LPP: variants seen among roughly 807,000 people sequenced by gnomAD.
LPP encodes the protein LIM domain containing preferred translocation partner in lipoma, also known as lipoma-preferred partner.
Under a neutral mutation model 60.4 loss-of-function variants are expected in LPP, and 38 were observed. The observed-to-expected ratio is 0.63, with a 90% CI of 0.49 to 0.83. LPP has a LOEUF of 0.83. Among genes scored for constraint, LPP ranks in the 40% least tolerant of loss-of-function variants. LPP has a pLI of 0.00. For missense variants in LPP, 902 were observed against 783.6 expected (o/e 1.15, Z -1.80); for synonymous variants, 328 against 290.8 (o/e 1.13, Z -1.30).
rs1258811515 is a variant in LPP, at chr3:188,690,661, G to A, written c.1114-17606G>A. On this transcript the variant is annotated intron_variant, in intron 7 of 11. Coordinates refer to ENST00000617246, the MANE Select transcript of LPP (RefSeq NM_001375462.1). Reference sequence around the variant, plus strand: ...ACCAAAATCCCTGTAGTCAGACCCTGGTAGAAGGAGAGAATAGTCAAAGTG... The same window carrying A: ...ACCAAAATCCCTGTAGTCAGACCCTAGTAGAAGGAGAGAATAGTCAAAGTG... Among the ~76,000 whole-genome samples, 4 of 152,098 alleles carry A rather than the reference G, an allele frequency of 2.6e-5. No homozygotes were observed. The East Asian group carries it at 7.7e-4, about 29-fold the overall frequency.
intron 7 of LPP, among the ~76,000 whole-genome samples, chr3:188,637,135 T>C (rs1848988179): frequency 6.6e-6 from 1 of 151,266 alleles, no homozygotes; most frequent in Non-Finnish European, 1.5e-5. Context: ...TCAGCAAACG[T>C]AAAAGAACAG....
Position 188,343,174 on chromosome 3 carries a change from C to T in LPP, c.-10+1455C>T, listed in dbSNP as rs562775378. ...GTATTTGTCCTTGCCTTGCCCTCCA[C>T]CCATCAACGGGCCCCGATGTGTGAT... is the stretch of plus-strand genomic sequence containing the variant. On this transcript the variant is annotated intron_variant, in intron 3 of 11. Transcript: ENST00000617246. Among the ~76,000 whole-genome samples the T allele has an allele frequency of 9.2e-5, 14 of 152,228 alleles. 1 individual carries two copies. The South Asian group carries it at 2.9e-3, about 32-fold the overall frequency.
intron 9 of LPP, among the ~76,000 whole-genome samples, chr3:188,822,290 A>C (rs1754201064): frequency 6.6e-6 from 1 of 152,144 alleles, no homozygotes; most frequent in African/African-American, 2.4e-5. Context: ...GATACAAAAA[A>C]AATTGAGCTA....
intron 7 of LPP, among the ~76,000 whole-genome samples, chr3:188,657,230 T>C (rs6444315): frequency 1.5e-5 from 2 of 136,552 alleles, no homozygotes; most frequent in South Asian, 4.8e-4. Flanking sequence ...ACTGTAGTGA[T>C]GTATAAGTTT....
chr3:188,443,732 C>T (rs557109193), intron 4 of LPP, among the ~76,000 whole-genome samples: 1 of 152,262 alleles, frequency 6.6e-6, no homozygotes, highest in South Asian at 2.1e-4. Context: ...ACAAGTGTTC[C>T]AGTTATAGCT....
chr3:188,692,092 T>TA (rs1222780219), intron 7 of LPP, among the ~76,000 whole-genome samples: 1 of 152,178 alleles, frequency 6.6e-6, no homozygotes, highest in East Asian at 1.9e-4. Context: ...AGGATACCTG[T>TA]ATTTCTCCAC....
intron 6 of LPP, among the ~76,000 whole-genome samples, chr3:188,575,407 C>T (rs1472130173): frequency 6.6e-6 from 1 of 152,120 alleles, no homozygotes; most frequent in East Asian, 1.9e-4. Context: ...TTTAAGTTCT[C>T]TGTTTTATTC....
intron 9 of LPP, among the ~76,000 whole-genome samples, chr3:188,790,349 CGTGT>C (rs139710978): frequency 2.7e-5 from 4 of 150,410 alleles, no homozygotes; most frequent in Non-Finnish European, 5.9e-5. Flanking sequence ...GTGGTGTGTG[CGTGT>C]GTGTGTGTGT....
At position 188,886,687 on chromosome 3, in the gene LPP, AT is replaced by A. The variant is rs1770702276; in HGVS notation, c.*12211del. Reference sequence around the variant, plus strand: ...CACTTTACATAATATGTTCTCCCATATTTAGGGATCATACAATTGTATTGTC... The same window carrying A: ...CACTTTACATAATATGTTCTCCCATATTAGGGATCATACAATTGTATTGTC... On this transcript the variant is annotated 3_prime_UTR_variant, in exon 12 of 12. Coordinates refer to ENST00000617246, the MANE Select transcript of LPP (RefSeq NM_001375462.1). 2 of 220,196 alleles carry A rather than the reference AT, an allele frequency of 9.1e-6. No homozygotes were observed. Among genetic ancestry groups the A allele is most frequent in the South Asian group, 3.8e-4 (2 of 5,300 alleles). 13.6% of individuals were successfully genotyped at this position (220,196 alleles called of 1,614,324 possible).
chr3:188,194,933 T>G (rs1729112572), intron 1 of LPP, among the ~76,000 whole-genome samples: 1 of 152,182 alleles, frequency 6.6e-6, no homozygotes. Flanking sequence ...GTCTTCTGAC[T>G]AGTGTTTCAC....
intron 4 of LPP, among the ~76,000 whole-genome samples, chr3:188,445,852 G>C (rs1216058439): frequency 6.6e-6 from 1 of 152,152 alleles, no homozygotes; most frequent in Non-Finnish European, 1.5e-5. Context: ...AACATATGCA[G>C]CAAGGTAATG....
At chr3:188,343,138 G>T (rs147100420) in intron 3 of LPP, among the ~76,000 whole-genome samples, 3 of 151,992 alleles carry the variant, frequency 2.0e-5, no homozygotes, top group Non-Finnish European at 4.4e-5. Flanking sequence ...TTTAAGCACC[G>T]CATGCATTAG....
At chr3:188,240,342 AGTGTGTGTGTGTGTGT>A (rs75173733) in intron 2 of LPP, among the ~76,000 whole-genome samples, 1 of 143,660 alleles carries the variant, frequency 7.0e-6, no homozygotes, top group African/African-American at 2.6e-5. Context: ...TTTGGGTAAG[AGTGTGTGTGTGTGTGT>A]GTGTGTGTGT....
chr3:188,490,040 T>G (rs1271542534), intron 5 of LPP, among the ~76,000 whole-genome samples: 2 of 152,230 alleles, frequency 1.3e-5, no homozygotes, highest in East Asian at 3.8e-4. Context: ...GGTGATTACT[T>G]CAAATGTTAA....
At chr3:188,463,359 TA>T (rs10541444) in intron 4 of LPP, among the ~76,000 whole-genome samples, 89,293 of 147,690 alleles carry the variant, frequency 0.6, 27,038 homozygotes, top group African/African-American at 0.69. Context: ...CTGACTAATT[TA>T]AAAAAAAAAA....
chr3:188,364,684 A>G (rs577197334), intron 3 of LPP, among the ~76,000 whole-genome samples: 1 of 152,354 alleles, frequency 6.6e-6, no homozygotes, highest in Non-Finnish European at 1.5e-5. Flanking sequence ...TCGACCTGGC[A>G]GAAAGGGGAA....
chr3:188,679,110 G>A (rs74907723), intron 7 of LPP, among the ~76,000 whole-genome samples: 4,969 of 152,280 alleles, frequency 0.033, 268 homozygotes, highest in African/African-American at 0.11. Flanking sequence ...GGCAGAGGAA[G>A]GAATGTGGAC....
At chr3:188,863,520 C>A (rs918259217) in intron 9 of LPP, among the ~76,000 whole-genome samples, 1 of 152,154 alleles carries the variant, frequency 6.6e-6, no homozygotes, top group Non-Finnish European at 1.5e-5. Context: ...GAACTCCCAG[C>A]CCCCTCCTCC....
intron 7 of LPP, among the ~76,000 whole-genome samples, chr3:188,629,611 G>A (rs1167784528): frequency 6.6e-6 from 1 of 151,936 alleles, no homozygotes; most frequent in Non-Finnish European, 1.5e-5. Context: ...TTCATAGATA[G>A]GAAAAAAATC....
Sources: allele counts gnomAD v4.1 joint callset (sites outside exome capture counted in the v4.1 genomes callset), GRCh38; gene constraint gnomAD v4.1.1; transcripts MANE v1.5; gene names NCBI Gene and HGNC (gene_info 2026-07-23, HGNC 2026-07-21).